Variants in SPAG9 observed in about 807,000 individuals in gnomAD.
SPAG9 encodes the protein sperm associated antigen 9.
In SPAG9, 35 loss-of-function variants were observed where a neutral mutation model predicts 166.5. The observed-to-expected ratio is 0.21, with a 90% confidence interval of 0.16 to 0.28. The LOEUF is 0.28. SPAG9 is among the 10% of genes least tolerant of loss of function. The pLI is 1.00. For missense variants in SPAG9, 1,235 were observed against 1,603.3 expected, an observed-to-expected ratio of 0.77 and a Z score of 3.92; for synonymous variants, 534 against 565.5, an observed-to-expected ratio of 0.94 and a Z score of 0.79.
intron 2 of SPAG9, among the ~76,000 whole-genome samples, chr17:51,067,473 C>G (rs1331904783): frequency 6.6e-6 from 1 of 152,122 alleles, no homozygotes; most frequent in South Asian, 2.1e-4. Context: ...TTAACCTATA[C>G]CTATATTGTT....
At chr17:51,088,304 C>G (rs1238508084) in intron 1 of SPAG9, among the ~76,000 whole-genome samples, 1 of 152,156 alleles carries the variant, frequency 6.6e-6, no homozygotes, top group East Asian at 1.9e-4. Flanking sequence ...TTACTACAAA[C>G]TAGGTAATGT....
intron 6 of SPAG9, among the ~76,000 whole-genome samples, chr17:51,026,338 A>T (rs1483450344): frequency 3.3e-5 from 5 of 151,712 alleles, no homozygotes; most frequent in South Asian, 2.1e-4. Flanking sequence ...AAAAAAAAAA[A>T]AAAAAAATAA....
chr17:51,109,109 G>A (rs905357274), intron 1 of SPAG9, among the ~76,000 whole-genome samples: 3 of 151,272 alleles, frequency 2.0e-5, no homozygotes, highest in African/African-American at 7.3e-5. Context: ...TGATCCGCCC[G>A]CCTCAGACTC....
chr17:51,048,008 A>G (rs1294257242), intron 3 of SPAG9, among the ~76,000 whole-genome samples: 2 of 152,102 alleles, frequency 1.3e-5, no homozygotes, highest in African/African-American at 4.8e-5. Flanking sequence ...TTCTTTCGGT[A>G]TATTTAGTTG....
intron 2 of SPAG9, among the ~76,000 whole-genome samples, chr17:51,060,368 T>C (rs1005579917): frequency 4.6e-5 from 7 of 151,958 alleles, no homozygotes; most frequent in Non-Finnish European, 4.4e-5. Flanking sequence ...CCAGGCGTCA[T>C]GGCAAATAGC....
At position 51,042,940 on chromosome 17, in the gene SPAG9, A is replaced by C. The variant is rs138466133; in HGVS notation, c.591-1289T>G. On this transcript the variant is annotated intron_variant, in intron 4 of 29. Transcript: ENST00000262013. Reference sequence around the variant, plus strand: ...GTGTCTTGCTGTGTTGCCCAGACTGAAGTACAGTGGGACGATCTCGGCTCA... The same window carrying C: ...GTGTCTTGCTGTGTTGCCCAGACTGCAGTACAGTGGGACGATCTCGGCTCA... Among the ~76,000 whole-genome samples, 490 of 152,194 alleles carry C rather than the reference A, an allele frequency of 3.2e-3. 2 individuals carry two copies. The highest frequency in any genetic ancestry group is 0.011 in the African/African-American group (471 of 41,528).
rs1421151563 is a variant in SPAG9 at position 50,981,497 on chromosome 17, GATA to G, written c.3237+1024_3237+1026del. Among the ~76,000 whole-genome samples, 491 of 133,750 alleles carry G rather than the reference GATA, an allele frequency of 3.7e-3. 1 individual carries two copies. The highest frequency in any genetic ancestry group is 6.6e-3 in the Non-Finnish European group (380 of 57,152). 87.7% of individuals were successfully genotyped at this position (133,750 alleles called of 152,430 possible). ...ATACACAGATAAAGATAGATAGATA[GATA>G]GATAGATAGATAGATAGATAGATAG... is the stretch of plus-strand genomic sequence containing the variant. On this transcript the variant is annotated intron_variant, in intron 25 of 29. Transcript: ENST00000262013.
At chr17:50,979,640 A>T in intron 26 of SPAG9, 106 bp downstream of exon 26, 1 of 1,099,070 alleles carries the variant, frequency 9.1e-7, no homozygotes, top group Non-Finnish European at 1.3e-6. Context: ...TAGCCACTGC[A>T]CTCCATCCTG....
At chr17:51,075,162 T>G (rs2047931072) in intron 2 of SPAG9, among the ~76,000 whole-genome samples, 1 of 129,346 alleles carries the variant, frequency 7.7e-6, no homozygotes, top group Non-Finnish European at 1.5e-5. Flanking sequence ...TGCCATTGCA[T>G]TCCAGCCTGG....
chr17:51,104,093 C>T (rs1486271142), intron 1 of SPAG9, among the ~76,000 whole-genome samples: 1 of 152,008 alleles, frequency 6.6e-6, no homozygotes, highest in Non-Finnish European at 1.5e-5. Flanking sequence ...GATTTCTGGC[C>T]AGGTAGATGG....
chr17:51,058,945 A>G (rs2047431198), intron 2 of SPAG9, among the ~76,000 whole-genome samples: 1 of 152,188 alleles, frequency 6.6e-6, no homozygotes, highest in Non-Finnish European at 1.5e-5. Flanking sequence ...GCCTATATAT[A>G]TGTCCACCCA....
At chr17:51,053,854 A>AATATATAT (rs1491529465) in intron 3 of SPAG9, among the ~76,000 whole-genome samples, 17 of 34,446 alleles carry the variant, frequency 4.9e-4, no homozygotes, top group African/African-American at 1.4e-3. Context: ...AAAAAAAAAA[A>AATATATAT]GTATATATAT....
At chr17:51,095,084 A>G (rs1004954791) in intron 1 of SPAG9, among the ~76,000 whole-genome samples, 2 of 150,902 alleles carry the variant, frequency 1.3e-5, no homozygotes, top group African/African-American at 4.9e-5. Flanking sequence ...TCACGAGGTC[A>G]GGAGATCGAG....
At chr17:51,098,372 G>T (rs975313145) in intron 1 of SPAG9, among the ~76,000 whole-genome samples, 1 of 151,664 alleles carries the variant, frequency 6.6e-6, no homozygotes, top group African/African-American at 2.4e-5. Flanking sequence ...TAGAGGGAAG[G>T]GTGAGACAGT....
chr17:51,089,620 TTATATATATATATATATATATA>T lies in SPAG9; in HGVS notation c.304-9938_304-9917del, dbSNP rs746370783. ...TATATGTATATATATACACTTTATT[TTATATATATATATATATATATA>T]TATATATATATATATATATATACAC... On this transcript the variant is annotated intron_variant, in intron 1 of 29. Transcript: ENST00000262013. Among the ~76,000 whole-genome samples the T allele has an allele frequency of 1.4e-3, 55 of 40,486 alleles. 2 individuals carry two copies. The highest frequency in any genetic ancestry group is 8.5e-3 in the East Asian group (9 of 1,062). 26.6% of individuals were successfully genotyped at this position (40,486 alleles called of 152,430 possible).
intron 2 of SPAG9, among the ~76,000 whole-genome samples, chr17:51,063,334 C>T (rs887207455): frequency 5.3e-5 from 8 of 151,280 alleles, no homozygotes; most frequent in Non-Finnish European, 8.8e-5. Flanking sequence ...ATCGTTTGAA[C>T]CTGGGAGGTG....
At chr17:51,042,300 T>C (rs1050186487) in intron 4 of SPAG9, among the ~76,000 whole-genome samples, 2 of 152,154 alleles carry the variant, frequency 1.3e-5, no homozygotes, top group African/African-American at 4.8e-5. Context: ...GTCAAATAAT[T>C]CTATAAAAGA....
At chr17:51,071,170 T>A (rs1376176815) in intron 2 of SPAG9, among the ~76,000 whole-genome samples, 1 of 152,126 alleles carries the variant, frequency 6.6e-6, no homozygotes, top group Non-Finnish European at 1.5e-5. Flanking sequence ...ACTGGACCAG[T>A]TTAATATTTT....
At chr17:51,043,699 C>T (rs1354939230) in intron 4 of SPAG9, among the ~76,000 whole-genome samples, 2 of 152,078 alleles carry the variant, frequency 1.3e-5, no homozygotes, top group African/African-American at 4.8e-5. Flanking sequence ...CAAAAGGTGA[C>T]TGGGAATTTA....
Sources: allele counts gnomAD v4.1 joint callset (sites outside exome capture counted in the v4.1 genomes callset), GRCh38; gene constraint gnomAD v4.1.1; transcripts MANE v1.5; gene names NCBI Gene and HGNC (gene_info 2026-07-23, HGNC 2026-07-21).